RANBP10: variants seen among roughly 807,000 people sequenced by gnomAD.
RANBP10 encodes RAN binding protein 10.
A neutral mutation model predicts 72.8 loss-of-function variants in RANBP10; 24 were observed. The ratio of observed to expected loss-of-function variants is 0.33; its 90% CI spans 0.24 to 0.46. The LOEUF (loss-of-function observed/expected upper bound fraction) is 0.46. Ranked by LOEUF, RANBP10 falls within the 20% of genes least tolerant of loss-of-function variation. The pLI is 1.00. For synonymous variants in RANBP10, 310 were observed against 322.3 expected, an observed-to-expected ratio of 0.96 and a Z score of 0.41; for missense variants, 679 against 817.5, an observed-to-expected ratio of 0.83 and a Z score of 2.07.
chr16:67,736,613 C>G (rs946678992), intron 5 of RANBP10, among the ~76,000 whole-genome samples: 1 of 152,222 alleles, frequency 6.6e-6, no homozygotes, highest in Non-Finnish European at 1.5e-5. Context: ...TCCAGCAAGC[C>G]TTCCTGACCG....
intron 2 of RANBP10, among the ~76,000 whole-genome samples, chr16:67,788,724 C>T (rs555875757): frequency 4.0e-5 from 6 of 151,734 alleles, no homozygotes; most frequent in South Asian, 2.1e-4. Context: ...AGGCAGGACG[C>T]GCACAGTGGC....
chr16:67,753,206 A>T (rs1385070568), intron 3 of RANBP10, among the ~76,000 whole-genome samples: 1 of 136,102 alleles, frequency 7.3e-6, no homozygotes, highest in Non-Finnish European at 1.6e-5. Flanking sequence ...ATCTCATCTT[A>T]AAAAAAAAAA....
rs554916854 is a variant in RANBP10, at chr16:67,795,796, A to AG, written c.347+9631dup. Among the ~76,000 whole-genome samples the AG allele has an allele frequency of 2.8e-3, 421 of 149,914 alleles. 3 individuals carry two copies. Among genetic ancestry groups the AG allele is most frequent in the African/African-American group, 9.4e-3 (385 of 40,862 alleles). Reference sequence around the variant, plus strand: ...CGTGAACCCGGAAAGTGGAGCTTGCAGTGAGCTGAGATCGCACCACTGCAC... The same window carrying AG: ...CGTGAACCCGGAAAGTGGAGCTTGCAGGTGAGCTGAGATCGCACCACTGCAC... On this transcript the variant is annotated intron_variant, in intron 2 of 13. Coordinates refer to ENST00000317506, the MANE Select transcript of RANBP10 (RefSeq NM_020850.3).
intron 4 of RANBP10, among the ~76,000 whole-genome samples, chr16:67,740,336 C>T (rs920431109): frequency 5.3e-5 from 8 of 151,974 alleles, no homozygotes; most frequent in African/African-American, 1.9e-4. Context: ...GATCTCCTGA[C>T]CTCATGATCT....
chr16:67,790,044 C>T (rs1409405048), intron 2 of RANBP10, among the ~76,000 whole-genome samples: 4 of 151,050 alleles, frequency 2.6e-5, no homozygotes, highest in Non-Finnish European at 4.4e-5. Context: ...TGCAGTGAGC[C>T]GAGATCGCAC....
intron 6 of RANBP10, among the ~76,000 whole-genome samples, chr16:67,733,941 G>A (rs2053787039): frequency 6.6e-6 from 1 of 152,176 alleles, no homozygotes; most frequent in African/African-American, 2.4e-5. Context: ...GCCTGCTCTG[G>A]GAGTGGCGCT....
At chr16:67,789,353 C>T (rs1301852930) in intron 2 of RANBP10, among the ~76,000 whole-genome samples, 2 of 151,372 alleles carry the variant, frequency 1.3e-5, no homozygotes, top group African/African-American at 2.4e-5. Flanking sequence ...CATATGCCTG[C>T]AATCCTAGCT....
chr16:67,783,277 G>A (rs1242982464), intron 2 of RANBP10, among the ~76,000 whole-genome samples: 4 of 152,150 alleles, frequency 2.6e-5, no homozygotes, highest in Non-Finnish European at 4.4e-5. Flanking sequence ...ACAGAGGACA[G>A]AACTTTAGAA....
At chr16:67,749,939 G>A (rs910123707) in intron 3 of RANBP10, among the ~76,000 whole-genome samples, 10 of 152,138 alleles carry the variant, frequency 6.6e-5, no homozygotes, top group African/African-American at 2.4e-4. Flanking sequence ...CACAACCATG[G>A]GCCACACCAG....
intron 3 of RANBP10, among the ~76,000 whole-genome samples, chr16:67,754,635 G>A (rs533168184): frequency 3.3e-5 from 5 of 152,256 alleles, no homozygotes; most frequent in Admixed American, 6.5e-5. Flanking sequence ...GCTTAGCCCC[G>A]GCCCCATATT....
intron 3 of RANBP10, among the ~76,000 whole-genome samples, chr16:67,756,994 C>T (rs1325268082): frequency 2.0e-5 from 3 of 152,130 alleles, no homozygotes; most frequent in African/African-American, 7.2e-5. Flanking sequence ...CACCTGAGGT[C>T]GGGAGTTCGA....
intron 4 of RANBP10, among the ~76,000 whole-genome samples, chr16:67,740,880 T>C (rs932860017): frequency 6.6e-6 from 1 of 152,170 alleles, no homozygotes; most frequent in Non-Finnish European, 1.5e-5. Context: ...CTGGCAGGAC[T>C]GAATCTGGAA....
intron 3 of RANBP10, among the ~76,000 whole-genome samples, chr16:67,747,167 A>G (rs909489156): frequency 6.6e-6 from 1 of 152,142 alleles, no homozygotes; most frequent in East Asian, 1.9e-4. Context: ...TGAGTTCCAT[A>G]TCTTCTTCAG....
At chr16:67,769,463 G>A (rs8062172) in intron 3 of RANBP10, among the ~76,000 whole-genome samples, 103,631 of 107,768 alleles carry the variant, frequency 0.96, 49,783 homozygotes, top group East Asian at 0.99. Flanking sequence ...AAAAAAAAAA[G>A]TGCTGGGCGC....
chr16:67,792,390 T>TA lies in RANBP10; in HGVS notation c.347+13037dup, dbSNP rs925064437. 2.6e-4 allele frequency among the ~76,000 whole-genome samples: 38 copies of TA among 147,980 alleles called. 1 individual carries two copies. Among genetic ancestry groups the TA allele is most frequent in the East Asian group, 1.4e-3 (7 of 5,072 alleles). On this transcript the variant is annotated intron_variant, in intron 2 of 13. Transcript: ENST00000317506. ...TAACACGGTGAAACCCCATCTCTACTAAAAAAAAATACAAAAAAAAAATTA... is the reference window on the plus strand; with the variant it reads ...TAACACGGTGAAACCCCATCTCTACTAAAAAAAAAATACAAAAAAAAAATTA...
chr16:67,742,716 C>G (rs1023784005), intron 4 of RANBP10, among the ~76,000 whole-genome samples: 22 of 152,254 alleles, frequency 1.4e-4, no homozygotes, highest in Admixed American at 1.1e-3. Context: ...TGTGGGCAAG[C>G]TGGAGGGATG....
chr16:67,729,503 G>T lies in RANBP10; in HGVS notation c.1148-19C>A, dbSNP rs1276202120. 5.0e-6 allele frequency: 8 copies of T among 1,606,112 alleles called. No homozygotes were observed. The highest frequency in any genetic ancestry group is 6.8e-6 in the Non-Finnish European group (8 of 1,176,278). ...TCTGCTCCTAGAAGCCAGGGTGACA[G>T]TCAGAAGAGGAGGGGCAGCTTCCCA... is the stretch of plus-strand genomic sequence containing the variant. On this transcript the variant is annotated intron_variant, in intron 9 of 13. Coordinates refer to ENST00000317506, the MANE Select transcript of RANBP10 (RefSeq NM_020850.3). The surrounding 1 kb of genome is among the most constrained non-coding windows in gnomAD (Gnocchi z 7.1).
intron 2 of RANBP10, among the ~76,000 whole-genome samples, chr16:67,793,513 T>C (rs1046618833): frequency 2.0e-5 from 3 of 151,976 alleles, no homozygotes; most frequent in Non-Finnish European, 4.4e-5. Context: ...GGTTTCACCA[T>C]GTTGGTCACG....
At chr16:67,758,947 G>GA (rs2054342535) in intron 3 of RANBP10, among the ~76,000 whole-genome samples, 1 of 152,262 alleles carries the variant, frequency 6.6e-6, no homozygotes, top group African/African-American at 2.4e-5. Context: ...GAGGCCCACA[G>GA]AAAAGGAACA....
Sources: allele counts gnomAD v4.1 joint callset (sites outside exome capture counted in the v4.1 genomes callset), GRCh38; gene constraint gnomAD v4.1.1; non-coding constraint Gnocchi (gnomAD v3.1); transcripts MANE v1.5; gene names NCBI Gene and HGNC (gene_info 2026-07-23, HGNC 2026-07-21).